FCRL1: variants seen among roughly 807,000 people sequenced by gnomAD.
FCRL1 encodes the protein Fc receptor like 1.
A neutral mutation model predicts 49.2 loss-of-function variants in FCRL1; 34 were observed. The ratio of observed to expected loss-of-function variants is 0.69; its 90% CI spans 0.53 to 0.92. The LOEUF (loss-of-function observed/expected upper bound fraction) is 0.92. Among genes scored for constraint, FCRL1 ranks in the 40% least tolerant of loss-of-function variants. The pLI is 0.00. For synonymous variants in FCRL1, 218 were observed against 201.6 expected, an observed-to-expected ratio of 1.08 and a Z score of -0.69; for missense variants, 524 against 524.1, an observed-to-expected ratio of 1.00 and a Z score of 0.00.
intron 1 of FCRL1, among the ~76,000 whole-genome samples, chr1:157,815,395 T>A (rs1654886830): frequency 6.6e-6 from 1 of 151,908 alleles, no homozygotes; most frequent in Non-Finnish European, 1.5e-5. Flanking sequence ...TTTTAAAATT[T>A]ATTGAGGCAA....
Position 157,804,022 on chromosome 1 carries a change from C to T in FCRL1, c.142G>A (p.Ala48Thr). Reference protein sequence around the residue: ...CKMPFLQSSDAQFQFCFFRDT... With the variant: ...CKMPFLQSSDTQFQFCFFRDT... ...CTGAAAAAGCAGAACTGGAACTGGGCATCTGAACTCTGTAGAAAGGGCATC... is the reference window on the plus strand; with the variant it reads ...CTGAAAAAGCAGAACTGGAACTGGGTATCTGAACTCTGTAGAAAGGGCATC... Residue 48 changes from alanine to threonine, a missense_variant, in exon 3 of 11, where the codon GCC becomes ACC. Transcript: ENST00000368176. 2.5e-6 allele frequency: 4 copies of T among 1,614,240 alleles called. No homozygotes were observed. The highest frequency in any genetic ancestry group is 3.4e-6 in the Non-Finnish European group (4 of 1,180,042).
At chr1:157,796,293 C>T in intron 10 of FCRL1, 123 bp from the exon 11 acceptor site, 1 of 779,424 alleles carries the variant, frequency 1.3e-6, no homozygotes, top group Non-Finnish European at 2.2e-6. Context: ...AAATAAGGGC[C>T]TCTTGGAAAA....
chr1:157,811,703 G>A (rs1425761712), intron 1 of FCRL1, among the ~76,000 whole-genome samples: 1 of 152,082 alleles, frequency 6.6e-6, no homozygotes, highest in Non-Finnish European at 1.5e-5. Context: ...TTCTGTTCCT[G>A]GGGGCAGTAG....
At chr1:157,796,419 G>T (rs919747282) in intron 10 of FCRL1, among the ~76,000 whole-genome samples, 12 of 152,092 alleles carry the variant, frequency 7.9e-5, no homozygotes, top group Non-Finnish European at 1.8e-4. Context: ...CATTCTTATG[G>T]GCCTTTGTTA....
chr1:157,797,965 T>C (rs747263796), intron 8 of FCRL1, 26 bp from the exon 9 acceptor site: 1 of 1,609,902 alleles, frequency 6.2e-7, no homozygotes, highest in African/African-American at 1.3e-5. Context: ...GGAGACTTCA[T>C]GACACAGCCC....
At position 157,797,045 on chromosome 1, in the gene FCRL1, A is replaced by C. The variant is rs547551239; in HGVS notation, c.1218+56T>G. On this transcript the variant is annotated intron_variant, in intron 10 of 10. Transcript: ENST00000368176. ...GTGGCTATAATTTAAGAAGTTTGAG[A>C]ACCAGTCCCCAGAGGAAAGAAAGAA... The C allele has an allele frequency of 9.5e-5, 150 of 1,572,402 alleles. 1 individual carries two copies. In the South Asian group the frequency reaches 1.7e-3, roughly 17 times the overall value.
At chr1:157,814,015 ACT>A (rs1363521838) in intron 1 of FCRL1, among the ~76,000 whole-genome samples, 1 of 152,154 alleles carries the variant, frequency 6.6e-6, no homozygotes, top group Non-Finnish European at 1.5e-5. Flanking sequence ...GGAGAGATAA[ACT>A]CTCACCCACA....
At chr1:157,799,647 CG>C (rs912195692) in intron 7 of FCRL1, among the ~76,000 whole-genome samples, 1 of 144,788 alleles carries the variant, frequency 6.9e-6, no homozygotes, top group Non-Finnish European at 1.5e-5. Context: ...TTGTGGGGTG[CG>C]GGGGAGGAGG....
chr1:157,804,253 C>CA (rs1553215574), intron 2 of FCRL1, 142 bp from the exon 3 acceptor site: 23 of 942,124 alleles, frequency 2.4e-5, no homozygotes, highest in South Asian at 7.0e-5. Flanking sequence ...TCCACCCCCC[C>CA]CCCAGTGGCC....
chr1:157,797,461 A>G (rs998655165), intron 9 of FCRL1, among the ~76,000 whole-genome samples: 7 of 151,996 alleles, frequency 4.6e-5, no homozygotes, highest in African/African-American at 1.7e-4. Context: ...ATGTCAGGCT[A>G]CTTAAAGAGG....
chr1:157,797,178 G>A, intron 9 of FCRL1, 46 bp from the exon 10 acceptor site: 2 of 1,577,950 alleles, frequency 1.3e-6, no homozygotes, highest in South Asian at 2.2e-5. Context: ...TATATTTAAA[G>A]TCCTTCACTA....
chr1:157,807,248 C>T (rs1653627178), intron 1 of FCRL1, 126 bp from the exon 2 acceptor site: 2 of 850,354 alleles, frequency 2.4e-6, no homozygotes, highest in Non-Finnish European at 3.6e-6. Context: ...GCATCTCTCT[C>T]TTCCTCCCTC....
Position 157,796,182 on chromosome 1 carries a change from G to T in FCRL1, c.1219-12C>A. The T allele has an allele frequency of 1.2e-6, 2 of 1,612,098 alleles. No individual in the cohort carries two copies. The highest frequency in any genetic ancestry group is 1.7e-6 in the Non-Finnish European group (2 of 1,178,236). Reference sequence around the variant, plus strand: ...ATGTCTAAGGAAACCTGGAAGCAAAGATTAGGACTAGAGCAGGGAAGACAA... The same window carrying T: ...ATGTCTAAGGAAACCTGGAAGCAAATATTAGGACTAGAGCAGGGAAGACAA... On this transcript the variant is annotated splice_polypyrimidine_tract_variant and intron_variant, in intron 10 of 10. Transcript: ENST00000368176.
intron 1 of FCRL1, among the ~76,000 whole-genome samples, chr1:157,810,596 C>T (rs6673925): frequency 0.045 from 6,905 of 151,914 alleles, 499 homozygotes; most frequent in African/African-American, 0.16. Context: ...TGCACCCAGC[C>T]GGGAAATTTT....
At chr1:157,812,942 C>T (rs1654526091) in intron 1 of FCRL1, among the ~76,000 whole-genome samples, 1 of 152,172 alleles carries the variant, frequency 6.6e-6, no homozygotes, top group African/African-American at 2.4e-5. Flanking sequence ...CCACCACCCT[C>T]ACAAACTCCT....
intron 1 of FCRL1, among the ~76,000 whole-genome samples, chr1:157,819,373 TG>T (rs1248191509): frequency 1.3e-5 from 2 of 151,920 alleles, no homozygotes; most frequent in African/African-American, 4.8e-5. Flanking sequence ...GAGAGTGCTA[TG>T]GGGGAAGAGA....
At chr1:157,810,783 CT>C (rs1557917651) in intron 1 of FCRL1, among the ~76,000 whole-genome samples, 1 of 151,786 alleles carries the variant, frequency 6.6e-6, no homozygotes, top group South Asian at 2.1e-4. Context: ...TCACTGAAAA[CT>C]TTTTGTTTTA....
chr1:157,817,714 A>G lies in FCRL1; in HGVS notation c.31+2293T>C, dbSNP rs1655235603. ...CCAAAAGGCTTCAGCATAGTAAAAG[A>G]AACAATCAACAGAGTGAAGAGACAA... On this transcript the variant is annotated intron_variant, in intron 1 of 10. Transcript: ENST00000368176. 2.0e-5 allele frequency among the ~76,000 whole-genome samples: 3 copies of G among 152,188 alleles called. No individual in the cohort carries two copies. In the South Asian group the frequency reaches 6.2e-4, roughly 32 times the overall value.
intron 1 of FCRL1, among the ~76,000 whole-genome samples, 153 bp downstream of exon 1, chr1:157,819,854 G>C (rs1389941691): frequency 6.6e-6 from 1 of 152,032 alleles, no homozygotes; most frequent in East Asian, 1.9e-4. Flanking sequence ...ACAACTTTTT[G>C]CCTGACTCTG....
Sources: allele counts gnomAD v4.1 joint callset (sites outside exome capture counted in the v4.1 genomes callset), GRCh38; gene constraint gnomAD v4.1.1; transcripts MANE v1.5; gene names NCBI Gene and HGNC (gene_info 2026-07-23, HGNC 2026-07-21).